SHROOM4: variants seen among roughly 807,000 people sequenced by gnomAD.
SHROOM4 encodes shroom family member 4.
In SHROOM4, 17 loss-of-function variants were observed where a neutral mutation model predicts 80.3. The ratio of observed to expected loss-of-function variants is 0.21; its 90% CI spans 0.14 to 0.32. The LOEUF is 0.32. Among genes scored for constraint, SHROOM4 ranks in the 10% least tolerant of loss-of-function variants. The pLI, the probability that SHROOM4 is intolerant of heterozygous loss-of-function variation, is 1.00. For synonymous variants in SHROOM4, 400 were observed against 437.5 expected, an observed-to-expected ratio of 0.91 and a Z score of 1.07; for missense variants, 993 against 1,140.3, an observed-to-expected ratio of 0.87 and a Z score of 1.86.
At chrX:50,765,467 C>T (rs185326379) in intron 1 of SHROOM4, among the ~76,000 whole-genome samples, 3,294 of 111,574 alleles carry the variant, frequency 0.03, 129 homozygotes, top group African/African-American at 0.1. Context: ...TCATTTTAGT[C>T]ATGTTGGTGG....
intron 7 of SHROOM4, among the ~76,000 whole-genome samples, chrX:50,602,290 C>G (rs1482858077): frequency 9.0e-6 from 1 of 110,714 alleles, no homozygotes; most frequent in Non-Finnish European, 1.9e-5. Context: ...CGGGGTTTCA[C>G]CATGTTGGCC....
At chrX:50,715,514 A>T (rs1173395292) in intron 1 of SHROOM4, among the ~76,000 whole-genome samples, 5 of 112,444 alleles carry the variant, frequency 4.4e-5, no homozygotes, top group Admixed American at 3.8e-4. Context: ...TAACCTGATT[A>T]AAAAATGGGC....
chrX:50,677,767 G>A (rs782070660), intron 2 of SHROOM4, among the ~76,000 whole-genome samples: 3 of 111,445 alleles, frequency 2.7e-5, no homozygotes, highest in South Asian at 7.6e-4. Context: ...CTGAAGCCAC[G>A]TCCTGGAGAT....
intron 1 of SHROOM4, among the ~76,000 whole-genome samples, chrX:50,725,964 G>T (rs1282300894): frequency 8.9e-6 from 1 of 112,009 alleles, no homozygotes; most frequent in Non-Finnish European, 1.9e-5. Flanking sequence ...CTAGAGACTT[G>T]TTGAATTGTT....
Position 50,587,764 on chromosome X carries a change from T to C in SHROOM4, c.*8931A>G, listed in dbSNP as rs180758045. On this transcript the variant is annotated 3_prime_UTR_variant, in exon 9 of 9. Coordinates refer to ENST00000376020, the MANE Select transcript of SHROOM4 (RefSeq NM_020717.5). ...ACATTAGTTGAATGAATGAATGGCA[T>C]TGCACACTTACAATCTATTTTGTTT... Among the ~76,000 whole-genome samples the C allele has an allele frequency of 2.7e-5, 3 of 112,343 alleles. No individual in the cohort carries two copies. The highest frequency in any genetic ancestry group is 5.6e-4 in the East Asian group (2 of 3,569).
At position 50,592,368 on chromosome X, in the gene SHROOM4, G is replaced by T. The variant is rs1291771078; in HGVS notation, c.*4327C>A. ...AGTGGCTTTTATTTATTATTTTCAA[G>T]TTACAATAACTGCAAGCAAGATAAT... On this transcript the variant is annotated 3_prime_UTR_variant, in exon 9 of 9. Coordinates refer to ENST00000376020, the MANE Select transcript of SHROOM4 (RefSeq NM_020717.5). The T allele has an allele frequency of 1.6e-5, 4 of 257,507 alleles. No homozygotes were observed. In the Admixed American group the frequency reaches 2.1e-4, roughly 13 times the overall value. The allele number at this position is 257,507 out of a possible 1,213,427, so 21.2% of individuals were successfully genotyped here.
At position 50,596,363 on chromosome X, in the gene SHROOM4, T is replaced by C. The variant is rs28362303; in HGVS notation, c.*332A>G. 11,543 of 405,811 alleles carry C rather than the reference T, an allele frequency of 0.028. 151 individuals are homozygous for C. The highest frequency in any genetic ancestry group is 0.04 in the Non-Finnish European group (8,728 of 219,173). The allele number at this position is 405,811 out of a possible 1,213,427, so 33.4% of individuals were successfully genotyped here. ...ATGATATGGGTGGGTGATGAGTACTTGATGTCTTTGGTGTCCTAGTACAAA... is the reference window on the plus strand; with the variant it reads ...ATGATATGGGTGGGTGATGAGTACTCGATGTCTTTGGTGTCCTAGTACAAA... On this transcript the variant is annotated 3_prime_UTR_variant, in exon 9 of 9. Coordinates refer to ENST00000376020, the MANE Select transcript of SHROOM4 (RefSeq NM_020717.5).
At chrX:50,726,092 C>T (rs1557265864) in intron 1 of SHROOM4, among the ~76,000 whole-genome samples, 1 of 111,858 alleles carries the variant, frequency 8.9e-6, no homozygotes. Flanking sequence ...TATGCTTTAG[C>T]GAAGAGACTG....
At chrX:50,712,952 G>A (rs1933854086) in intron 1 of SHROOM4, among the ~76,000 whole-genome samples, 1 of 111,321 alleles carries the variant, frequency 9.0e-6, no homozygotes. Context: ...AAGGGGTTGC[G>A]TCTGGCTTCT....
At chrX:50,685,738 T>C (rs1324456937) in intron 2 of SHROOM4, among the ~76,000 whole-genome samples, 1 of 111,961 alleles carries the variant, frequency 8.9e-6, no homozygotes, top group Non-Finnish European at 1.9e-5. Flanking sequence ...ATGAGGTCAC[T>C]GAATACGGTG....
In SHROOM4 at chrX:50,634,835, G is replaced by A. The variant is rs1557255413; in HGVS notation, c.1238C>T (p.Pro413Leu). Reference protein sequence around the residue: ...IGPTGHRHSAPEQLLASHLQH... With the variant: ...IGPTGHRHSALEQLLASHLQH... The stretch of plus-strand genomic sequence containing the variant: ...CAGGTGGGATGCCAGCAGCTGTTCA[G>A]GGGCACTATGGCGATGCCCTGTGGG... The change falls in exon 4 of 9, where the codon CCT (proline) becomes CTT (leucine). Residue 413 changes from proline (P) to leucine (L), a missense_variant. Physicochemically the swap from Pro to Leu is moderately conservative, Grantham distance 98. Transcript: ENST00000376020. 1 of 1,209,344 alleles carries A rather than the reference G, an allele frequency of 8.3e-7. No homozygotes were observed. Among genetic ancestry groups the A allele is most frequent in the Non-Finnish European group, 1.1e-6 (1 of 894,102 alleles).
chrX:50,750,532 G>A (rs1231262201), intron 1 of SHROOM4, among the ~76,000 whole-genome samples: 1 of 112,242 alleles, frequency 8.9e-6, no homozygotes, highest in Non-Finnish European at 1.9e-5. Context: ...AAAGTGCTGG[G>A]ATTACAGGCG....
intron 2 of SHROOM4, among the ~76,000 whole-genome samples, chrX:50,646,829 A>G (rs1414458543): frequency 2.7e-5 from 3 of 110,141 alleles, no homozygotes; most frequent in African/African-American, 9.9e-5. Context: ...AGGGTAGGGA[A>G]TAAGAAAAGA....
rs1557253334 is a variant in SHROOM4 at position 50,627,667 on chromosome X, A to C, written c.2904T>G (p.Pro968=). 8.3e-7 allele frequency: 1 copy of C among 1,209,544 alleles called. No individual in the cohort carries two copies. Among genetic ancestry groups the C allele is most frequent in the Non-Finnish European group, 1.1e-6 (1 of 893,482 alleles). The change falls in exon 5 of 9, where the codon CCT becomes CCG. Residue 968 remains proline, a synonymous_variant. Coordinates refer to ENST00000376020, the MANE Select transcript of SHROOM4 (RefSeq NM_020717.5). ...KPRKLTVQEF[P]GDKWNPITGN... is the part of the protein sequence containing the mutation. ...CTGTTATTGGATTCCATTTGTCCCCAGGAAATTCCTGTAAAGAAAAATCCT... is the reference window on the plus strand; with the variant it reads ...CTGTTATTGGATTCCATTTGTCCCCCGGAAATTCCTGTAAAGAAAAATCCT...
intron 1 of SHROOM4, among the ~76,000 whole-genome samples, chrX:50,812,528 T>C (rs1437628764): frequency 2.7e-5 from 3 of 109,846 alleles, no homozygotes; most frequent in Admixed American, 9.7e-5. Context: ...CCTCAAAATG[T>C]TGCCTCAGCA....
intron 2 of SHROOM4, among the ~76,000 whole-genome samples, chrX:50,694,861 G>A (rs1362264648): frequency 9.3e-6 from 1 of 107,647 alleles, no homozygotes; most frequent in African/African-American, 3.4e-5. Context: ...AGAAAGACGG[G>A]GCAGGAGCCA....
At chrX:50,608,472 A>T (rs782625214) in intron 5 of SHROOM4, among the ~76,000 whole-genome samples, 10 of 111,406 alleles carry the variant, frequency 9.0e-5, no homozygotes, top group Non-Finnish European at 1.9e-4. Context: ...AGTTGGGGAA[A>T]CTGAGGCATA....
At chrX:50,646,166 T>C (rs1474436051) in intron 2 of SHROOM4, among the ~76,000 whole-genome samples, 1 of 111,904 alleles carries the variant, frequency 8.9e-6, no homozygotes, top group African/African-American at 3.3e-5. Context: ...TAACAGAGTG[T>C]GGGTACTTTC....
At chrX:50,739,038 C>G (rs1168178283) in intron 1 of SHROOM4, among the ~76,000 whole-genome samples, 5 of 111,599 alleles carry the variant, frequency 4.5e-5, no homozygotes, top group Admixed American at 3.8e-4. Flanking sequence ...ACATCTACAA[C>G]TATCTGATCT....
Sources: gnomAD v4.1 joint callset for allele counts (sites outside exome capture counted in the v4.1 genomes callset) on GRCh38, gnomAD v4.1.1 for gene constraint, MANE v1.5 for transcripts, NCBI Gene and HGNC (gene_info 2026-07-23, HGNC 2026-07-21) for gene names.